Variants in LZTR1 observed in about 807,000 individuals in gnomAD.
LZTR1 encodes leucine zipper like post translational regulator 1, also known as leucine-zipper-like transcriptional regulator 1.
A neutral mutation model predicts 105.7 loss-of-function variants in LZTR1; 260 were observed. The ratio of observed to expected loss-of-function variants is 2.46; its 90% CI spans 2.22 to 2.72. The LOEUF is 2.72. Among genes scored for constraint, LZTR1 ranks in the 30% most tolerant of loss-of-function variants. The pLI is 0.00. For synonymous variants in LZTR1, 490 were observed against 476.4 expected, an observed-to-expected ratio of 1.03 and a Z score of -0.37; for missense variants, 1,214 against 1,166.9, an observed-to-expected ratio of 1.04 and a Z score of -0.59.
chr22:20,993,607 C>A, intron 11 of LZTR1, 55 bp from the exon 12 acceptor site: 1 of 1,502,840 alleles, frequency 6.7e-7, no homozygotes, highest in Non-Finnish European at 9.2e-7. Context: ...TGCACAGCCA[C>A]ACTGGGGCCA....
rs576701494 is a variant in LZTR1, at chr22:20,995,687, G to A, written c.1943-59G>A. On this transcript the variant is annotated intron_variant, in intron 16 of 20. Coordinates refer to ENST00000646124, the MANE Select transcript of LZTR1 (RefSeq NM_006767.4). ...GGCAGATATGCAGGAAGGTAGTGCCGTGGGGCCCCAAGGCCAGAATCCCAG... is the reference window on the plus strand; with the variant it reads ...GGCAGATATGCAGGAAGGTAGTGCCATGGGGCCCCAAGGCCAGAATCCCAG... The A allele has an allele frequency of 1.2e-5, 19 of 1,603,034 alleles. No homozygotes were observed. In the Admixed American group the frequency reaches 1.8e-4, roughly 16 times the overall value.
At chr22:20,987,701 C>T (rs1924446388) in intron 4 of LZTR1, 118 bp downstream of exon 4, 31 of 954,206 alleles carry the variant, frequency 3.2e-5, no homozygotes, top group Non-Finnish European at 5.2e-5. Flanking sequence ...TCTCTCTCCA[C>T]CCGTGGCTTT....
In LZTR1 at chr22:20,983,028, C is replaced by A. The variant is rs886041418; in HGVS notation, c.202C>A (p.Arg68Ser). 3.7e-6 allele frequency: 6 copies of A among 1,613,896 alleles called. No individual in the cohort carries two copies. The highest frequency in any genetic ancestry group is 1.1e-5 in the South Asian group (1 of 91,084). Residue 68 changes from arginine (R) to serine (S), a missense_variant and splice_region_variant, in exon 2 of 21, where the codon CGC becomes AGC. By Grantham distance (110) the Arg-to-Ser change is moderately radical. Coordinates refer to ENST00000646124, the MANE Select transcript of LZTR1 (RefSeq NM_006767.4). ...PPCDEFVGAR[R>S]SKHTVVAYKD... ...CGCCCTCCACTCCTTTCTTTCCAGG[C>A]GCAGCAAGCACACAGTGGTGGCCTA...
Position 20,993,690 on chromosome 22 carries a change from A to AC in LZTR1, c.1290dup (p.Glu431ArgfsTer21), listed in dbSNP as rs1438928670. On this transcript the variant is annotated frameshift_variant, in exon 12 of 21. Coordinates refer to ENST00000646124, the MANE Select transcript of LZTR1 (RefSeq NM_006767.4). LOFTEE classifies it high-confidence loss of function. ...TCCTGTTACCCTAAATGCACGCTGCACGAGGACTACGGGCGGCTGTGGGAG... is the reference window on the plus strand; with the variant it reads ...TCCTGTTACCCTAAATGCACGCTGCACCGAGGACTACGGGCGGCTGTGGGAG... The AC allele has an allele frequency of 6.2e-7, 1 of 1,613,460 alleles. No individual in the cohort carries two copies. Among genetic ancestry groups the AC allele is most frequent in the Non-Finnish European group, 8.5e-7 (1 of 1,179,954 alleles).
chr22:20,983,394 C>T (rs1924270653), intron 2 of LZTR1, among the ~76,000 whole-genome samples: 1 of 152,226 alleles, frequency 6.6e-6, no homozygotes, highest in Admixed American at 6.5e-5. Flanking sequence ...GCCAGCCCTG[C>T]CAGGCACTTT....
chr22:20,991,415 T>C (rs1049593230), intron 8 of LZTR1: 2 of 577,842 alleles, frequency 3.5e-6, no homozygotes, highest in Non-Finnish European at 6.2e-6. Flanking sequence ...GGCAGGACCC[T>C]GCGGTGGGCC....
Position 20,982,375 on chromosome 22 carries a change from G to A in LZTR1, c.4G>A (p.Ala2Thr). M[A>T]GPGSTGGQIG... ...GCCGATCCGGCGTGGACCCGGGATG[G>A]CTGGACCGGGCAGCACGGGGGGGCA... The change falls in exon 1 of 21, where the codon GCT becomes ACT. Residue 2 changes from alanine to threonine, a missense_variant. Coordinates refer to ENST00000646124, the MANE Select transcript of LZTR1 (RefSeq NM_006767.4). The A allele has an allele frequency of 6.4e-7, 1 of 1,551,960 alleles. No individual in the cohort carries two copies. Among genetic ancestry groups the A allele is most frequent in the Non-Finnish European group, 8.7e-7 (1 of 1,147,410 alleles).
intron 11 of LZTR1, chr22:20,993,450 C>A (rs932778770): frequency 1.7e-6 from 1 of 589,696 alleles, no homozygotes; most frequent in Non-Finnish European, 3.0e-6. Context: ...GCTGTGGAGC[C>A]GGCCGTGGAC....
In LZTR1 at chr22:20,993,659, C is replaced by A; in HGVS notation, c.1261-3C>A. 6.2e-7 allele frequency: 1 copy of A among 1,612,512 alleles called. No individual in the cohort carries two copies. On this transcript the variant is annotated splice_region_variant and splice_polypyrimidine_tract_variant and intron_variant, in intron 11 of 20. Coordinates refer to ENST00000646124, the MANE Select transcript of LZTR1 (RefSeq NM_006767.4). ...ATCTAGTCTCACTGGGCCCCTCTTG[C>A]AGTTCTCCTGTTACCCTAAATGCAC...
chr22:20,984,610 A>AG (rs201440164), intron 2 of LZTR1, among the ~76,000 whole-genome samples: 1,620 of 19,640 alleles, frequency 0.082, 63 homozygotes, highest in African/African-American at 0.26. Flanking sequence ...GGGGCAAGTA[A>AG]GGAGGGGGGG....
Position 20,997,239 on chromosome 22 carries a change from A to G in LZTR1, c.2414A>G (p.Lys805Arg), listed in dbSNP as rs772575557. 15 of 1,612,030 alleles carry G rather than the reference A, an allele frequency of 9.3e-6. No individual in the cohort carries two copies. Among genetic ancestry groups the G allele is most frequent in the Non-Finnish European group, 1.3e-5 (15 of 1,178,350 alleles). Reference protein sequence around the residue: ...IIVHQFTKVSKLPTLRSLSQQ... With the variant: ...IIVHQFTKVSRLPTLRSLSQQ... ...GGCCTGCTTGCCTTACAGGTCTCCA[A>G]GTTGCCCACCCTGCGGTCGCTGAGC... is the stretch of plus-strand genomic sequence containing the variant. The change falls in exon 21 of 21, where the codon AAG becomes AGG. Residue 805 changes from lysine to arginine, a missense_variant. Physicochemically the swap from Lys to Arg is conservative, Grantham distance 26 (BLOSUM62 2). Coordinates refer to ENST00000646124, the MANE Select transcript of LZTR1 (RefSeq NM_006767.4).
In LZTR1 at chr22:20,991,657, T is replaced by C; in HGVS notation, c.821T>C (p.Leu274Pro). The change falls in exon 9 of 21, where the codon CTC becomes CCC. Residue 274 changes from leucine to proline, a missense_variant. Coordinates refer to ENST00000646124, the MANE Select transcript of LZTR1 (RefSeq NM_006767.4). ...ACACGCATCCCAACTGAACACCTGC[T>C]CCGGGGCTCCCCACCACCCCCGCAG... is the stretch of plus-strand genomic sequence containing the variant. ...TWTRIPTEHL[L>P]RGSPPPPQRR... 1.2e-6 allele frequency: 2 copies of C among 1,601,828 alleles called. No individual in the cohort carries two copies. The highest frequency in any genetic ancestry group is 1.7e-6 in the Non-Finnish European group (2 of 1,177,732).
intron 6 of LZTR1, among the ~76,000 whole-genome samples, chr22:20,989,405 TGA>T (rs906248323): frequency 2.6e-5 from 4 of 152,170 alleles, no homozygotes; most frequent in African/African-American, 9.7e-5. Flanking sequence ...ATGTCATGCA[TGA>T]GAGTACTTGT....
At chr22:20,997,038 C>G in intron 20 of LZTR1, 72 bp downstream of exon 20, 1 of 1,527,462 alleles carries the variant, frequency 6.5e-7, no homozygotes, top group East Asian at 2.3e-5. Flanking sequence ...GGGAGGGTGC[C>G]CAGGCTCTGT....
Position 20,984,620 on chromosome 22 carries a change from G to GC in LZTR1, c.264-1221_264-1220insC, listed in dbSNP as rs1388219144. Among the ~76,000 whole-genome samples the GC allele has an allele frequency of 1.1e-3, 162 of 149,200 alleles. 10 individuals are homozygous for GC. The highest frequency in any genetic ancestry group is 4.6e-4 in the Non-Finnish European group (31 of 67,790). ...CACGTGGGGCAAGTAAGGAGGGGGGGGGGGCGGTATCACAATCACCACCAG... is the reference window on the plus strand; with the variant it reads ...CACGTGGGGCAAGTAAGGAGGGGGGGCGGGGCGGTATCACAATCACCACCAG... On this transcript the variant is annotated intron_variant, in intron 2 of 20. Coordinates refer to ENST00000646124, the MANE Select transcript of LZTR1 (RefSeq NM_006767.4).
intron 16 of LZTR1, 94 bp from the exon 17 acceptor site, chr22:20,995,652 C>G: frequency 1.3e-6 from 2 of 1,483,362 alleles, no homozygotes; most frequent in Admixed American, 1.7e-5. Context: ...TTGTTCAGGG[C>G]AGCAACATGG....
In LZTR1 at chr22:20,994,602, G is replaced by T. The variant is rs750858302; in HGVS notation, c.1660G>T (p.Ala554Ser). The T allele has an allele frequency of 1.2e-6, 2 of 1,612,430 alleles. No homozygotes were observed. The highest frequency in any genetic ancestry group is 2.2e-5 in the South Asian group (2 of 91,082). Residue 554 changes from alanine (A) to serine (S), a missense_variant, in exon 15 of 21, where the codon GCA (alanine) becomes TCA (serine). By Grantham distance (99) the Ala-to-Ser change is moderately conservative (BLOSUM62 1). Coordinates refer to ENST00000646124, the MANE Select transcript of LZTR1 (RefSeq NM_006767.4). Reference protein sequence around the residue: ...VLLIMDVYKLALSFQLCRLEQ... With the variant: ...VLLIMDVYKLSLSFQLCRLEQ... The stretch of plus-strand genomic sequence containing the variant: ...GCTCATCATGGATGTGTACAAACTG[G>T]CACTGAGCTTCCAGTTGTGCCGCCT...
At chr22:20,992,459 C>T (rs1433142051) in intron 10 of LZTR1, 90 bp downstream of exon 10, 13 of 1,372,278 alleles carry the variant, frequency 9.5e-6, no homozygotes, top group African/African-American at 8.7e-5. Context: ...ACTGAGGCCC[C>T]GAGAAATACT....
chr22:20,996,879 AT>A lies in LZTR1; in HGVS notation c.2326-5del. On this transcript the variant is annotated splice_region_variant and splice_polypyrimidine_tract_variant and intron_variant, in intron 19 of 20. Transcript: ENST00000646124. ...GGGGCAGCGCCTCAAGGTCCCTGCC[AT>A]TGCAGATCCTGGAGGCAGCTGACAA... 1 of 1,612,134 alleles carries A rather than the reference AT, an allele frequency of 6.2e-7. No individual in the cohort carries two copies. Among genetic ancestry groups the A allele is most frequent in the Non-Finnish European group, 8.5e-7 (1 of 1,178,736 alleles).
Sources: gnomAD v4.1 joint callset for allele counts (sites outside exome capture counted in the v4.1 genomes callset) on GRCh38, gnomAD v4.1.1 for gene constraint, MANE v1.5 for transcripts, NCBI Gene and HGNC (gene_info 2026-07-23, HGNC 2026-07-21) for gene names.